The following TASOR2 variants were observed in gnomAD, a reference collection of about 807,000 sequenced individuals.
TASOR2 encodes protein TASOR 2.
In TASOR2, 84 loss-of-function variants were observed where a neutral mutation model predicts 199.5. The observed-to-expected ratio is 0.42, with a 90% confidence interval of 0.35 to 0.50. The LOEUF is 0.50. Among genes scored for constraint, TASOR2 ranks in the 20% least tolerant of loss-of-function variants. The pLI is 0.02. For synonymous variants in TASOR2, 1,103 were observed against 1,046.6 expected (o/e 1.05, Z -1.04); for missense variants, 2,796 against 2,835.9 (o/e 0.99, Z 0.32).
In TASOR2 at chr10:5,720,038, C is replaced by G. The variant is rs1190156272; in HGVS notation, c.-99-506C>G. On this transcript the variant is annotated intron_variant, in intron 3 of 20. Transcript: ENST00000328090. The surrounding 1 kb of genome is among the most constrained non-coding windows in gnomAD (Gnocchi z 5.3). ...AAACTATGGATATTTGTCTCAGACG[C>G]CCAAATGTCCAAAATTTTTGAGTCC... Among the ~76,000 whole-genome samples the G allele has an allele frequency of 6.6e-6, 1 of 152,080 alleles. No individual in the cohort carries two copies. Among genetic ancestry groups the G allele is most frequent in the Non-Finnish European group, 1.5e-5 (1 of 68,024 alleles).
chr10:5,721,044 T>C, intron 6 of TASOR2, 74 bp downstream of exon 7: 4 of 1,178,660 alleles, frequency 3.4e-6, no homozygotes, highest in Non-Finnish European at 4.9e-6. Flanking sequence ...TCACCTCATT[T>C]CAAGGGTGGC....
At position 5,722,088 on chromosome 10, in the gene TASOR2, T is replaced by C. The variant is rs564535297; in HGVS notation, c.146+1118T>C. Among the ~76,000 whole-genome samples, 287 of 152,298 alleles carry C rather than the reference T, an allele frequency of 1.9e-3. 1 individual carries two copies. Among genetic ancestry groups the C allele is most frequent in the African/African-American group, 6.4e-3 (267 of 41,566 alleles). Reference sequence around the variant, plus strand: ...GACAGTTGGCAGCATTTGAATAAGATGTAGGTTAAGTCATAGTATCGTTAT... The same window carrying C: ...GACAGTTGGCAGCATTTGAATAAGACGTAGGTTAAGTCATAGTATCGTTAT... On this transcript the variant is annotated intron_variant, in intron 6 of 20. Transcript: ENST00000328090. The surrounding 1 kb of genome is among the most constrained non-coding windows in gnomAD (Gnocchi z 4.0).
intron 1 of TASOR2, among the ~76,000 whole-genome samples, chr10:5,711,538 G>A (rs534357521): frequency 8.5e-5 from 13 of 152,258 alleles, no homozygotes; most frequent in South Asian, 4.1e-4. Flanking sequence ...AAATAGGAGA[G>A]TGAACAGTTA....
intron 12 of TASOR2, 102 bp downstream of exon 13, chr10:5,735,648 A>G: frequency 7.2e-7 from 1 of 1,393,108 alleles, no homozygotes; most frequent in Non-Finnish European, 9.6e-7. Flanking sequence ...GCAATGTCCC[A>G]ATAATTTTTT....
In TASOR2 at chr10:5,751,434, G is replaced by A. The variant is rs1319118554; in HGVS notation, c.6606+1407G>A. Reference sequence around the variant, plus strand: ...CATTCATCTATTCATTTGCTTATCTGTATCACTATGGACCATGGCACATTT... The same window carrying A: ...CATTCATCTATTCATTTGCTTATCTATATCACTATGGACCATGGCACATTT... On this transcript the variant is annotated intron_variant, in intron 15 of 20. Coordinates refer to ENST00000328090, the Ensembl canonical transcript of TASOR2. This position sits in a 1 kb window ranked among gnomAD's most constrained non-coding sequence, Gnocchi z 5.3. 6.6e-6 allele frequency among the ~76,000 whole-genome samples: 1 copy of A among 152,134 alleles called. No individual in the cohort carries two copies. The highest frequency in any genetic ancestry group is 1.5e-5 in the Non-Finnish European group (1 of 68,032).
rs151249528 is a variant in TASOR2 at position 5,721,946 on chromosome 10, A to C, written c.146+976A>C. ...TCAAAATACCCTAGTCATTGAAGTA[A>C]AGAAAAGACTGAAAAACTGTTCCAG... On this transcript the variant is annotated intron_variant, in intron 6 of 20. Transcript: ENST00000328090. Among the ~76,000 whole-genome samples the C allele has an allele frequency of 6.5e-3, 993 of 152,308 alleles. 5 individuals carry two copies. Among genetic ancestry groups the C allele is most frequent in the South Asian group, 0.015 (72 of 4,832 alleles).
At chr10:5,762,602 A>G in exon 20 of TASOR2, 1 of 1,488,772 alleles carries the variant, frequency 6.7e-7, no homozygotes, top group African/African-American at 1.4e-5. Context: ...ATAACTTTAT[A>G]GAAAACATAG....
chr10:5,693,301 T>C (rs1172734971), intron 1 of TASOR2, among the ~76,000 whole-genome samples: 1 of 152,216 alleles, frequency 6.6e-6, no homozygotes, highest in Admixed American at 6.5e-5. Context: ...TAAGGTCATC[T>C]TTTGAAATGT....
rs369061007 is a variant in TASOR2, at chr10:5,742,134, G to C, written c.2365G>C (p.Val789Leu). The C allele has an allele frequency of 2.5e-6, 4 of 1,614,152 alleles. No individual in the cohort carries two copies. In the Admixed American group the frequency reaches 6.7e-5, roughly 27 times the overall value. The stretch of plus-strand genomic sequence containing the variant: ...TGATTTGCCTGATAATGTGGAAGAA[G>C]TGAAGCTTTTACTTCATATGTGGGT... The change falls in exon 14 of 21, where the codon GTG becomes CTG. Residue 789 changes from valine to leucine, a missense_variant. Coordinates refer to ENST00000328090, the Ensembl canonical transcript of TASOR2. The surrounding 1 kb of genome is among the most constrained non-coding windows in gnomAD (Gnocchi z 4.2).
chr10:5,698,022 A>G lies in TASOR2; in HGVS notation c.-288+12847A>G, dbSNP rs539389743. On this transcript the variant is annotated intron_variant, in intron 1 of 20. Transcript: ENST00000328090. This position sits in a 1 kb window ranked among gnomAD's most constrained non-coding sequence, Gnocchi z 4.4. ...GGTTGTGCAATGATCACCACTACCAATTGCATTATTGACCCTAGTGCTTTA... is the reference window on the plus strand; with the variant it reads ...GGTTGTGCAATGATCACCACTACCAGTTGCATTATTGACCCTAGTGCTTTA... 3.3e-5 allele frequency among the ~76,000 whole-genome samples: 5 copies of G among 152,314 alleles called. No individual in the cohort carries two copies. Among genetic ancestry groups the G allele is most frequent in the South Asian group, 4.1e-4 (2 of 4,824 alleles).
At chr10:5,761,713 T>G (rs1839865191) in intron 19 of TASOR2, 1 of 449,320 alleles carries the variant, frequency 2.2e-6, no homozygotes. Context: ...CAATACAGTA[T>G]AAGTAGTTAT....
At chr10:5,762,979 C>G (rs375613511) in intron 20 of TASOR2, 50 bp from the exon 22 acceptor site, 3 of 1,573,514 alleles carry the variant, frequency 1.9e-6, no homozygotes, top group African/African-American at 1.4e-5. Context: ...TAAAATATTT[C>G]TTGTTCGTAT....
intron 6 of TASOR2, among the ~76,000 whole-genome samples, chr10:5,721,306 C>T (rs764788765): frequency 2.6e-5 from 4 of 152,076 alleles, no homozygotes; most frequent in Non-Finnish European, 5.9e-5. Flanking sequence ...TTTGCAGTAT[C>T]TGATTTTCAA....
Position 5,701,639 on chromosome 10 carries a change from CATT to C in TASOR2, c.-287-11183_-287-11181del, listed in dbSNP as rs1837863997. On this transcript the variant is annotated intron_variant, in intron 1 of 20. Coordinates refer to ENST00000328090, the Ensembl canonical transcript of TASOR2. The surrounding 1 kb of genome is among the most constrained non-coding windows in gnomAD (Gnocchi z 4.9). ...TAATGTCCACTTCAATTTCTTTCATCATTGTTTTATAGTTTTTCTTGTATAGAT... is the reference window on the plus strand; with the variant it reads ...TAATGTCCACTTCAATTTCTTTCATCGTTTTATAGTTTTTCTTGTATAGAT... Among the ~76,000 whole-genome samples the C allele has an allele frequency of 6.6e-6, 1 of 152,044 alleles. No individual in the cohort carries two copies. Among genetic ancestry groups the C allele is most frequent in the Non-Finnish European group, 1.5e-5 (1 of 67,976 alleles).
intron 1 of TASOR2, among the ~76,000 whole-genome samples, chr10:5,691,894 C>T (rs926771788): frequency 6.6e-6 from 1 of 152,190 alleles, no homozygotes; most frequent in Non-Finnish European, 1.5e-5. Flanking sequence ...AAACCATATT[C>T]AGGCCTGGCA....
chr10:5,759,822 C>T (rs931254312), intron 18 of TASOR2, among the ~76,000 whole-genome samples: 5 of 152,204 alleles, frequency 3.3e-5, no homozygotes, highest in Admixed American at 2.0e-4. Context: ...AGAAGGAGCA[C>T]AGAGGTTTCC....
Position 5,720,847 on chromosome 10 carries a change from T to G in TASOR2, c.47-24T>G. On this transcript the variant is annotated intron_variant, in intron 5 of 20. Coordinates refer to ENST00000328090, the Ensembl canonical transcript of TASOR2. This position sits in a 1 kb window ranked among gnomAD's most constrained non-coding sequence, Gnocchi z 5.3. Reference sequence around the variant, plus strand: ...AATGTTTCATCATAAATAATCAGTTTCTTTTTTACCTTCATTTCTTCAGTT... The same window carrying G: ...AATGTTTCATCATAAATAATCAGTTGCTTTTTTACCTTCATTTCTTCAGTT... 6.3e-7 allele frequency: 1 copy of G among 1,595,272 alleles called. No homozygotes were observed. The highest frequency in any genetic ancestry group is 8.5e-7 in the Non-Finnish European group (1 of 1,174,588).
rs74861203 is a variant in TASOR2 at position 5,763,180 on chromosome 10, A to G, written c.*148A>G. 1,502 of 748,660 alleles carry G rather than the reference A, an allele frequency of 2.0e-3. 20 individuals are homozygous for G. In the East Asian group the frequency reaches 0.023, roughly 11 times the overall value. 46.4% of individuals were successfully genotyped at this position (748,660 alleles called of 1,614,324 possible). A position where few individuals can be genotyped will look rare whatever the true frequency, so the allele number is the denominator to read the frequency against. On this transcript the variant is annotated 3_prime_UTR_variant, in exon 21 of 21. Transcript: ENST00000328090. ...ACAACTTGGAAAGTTTTCATTTTTT[A>G]TATTTTGCTGAAATATGTCACAGTG... is the stretch of plus-strand genomic sequence containing the variant.
At position 5,685,200 on chromosome 10, in the gene TASOR2, C is replaced by T. The variant is rs1345854185; in HGVS notation, c.-288+25C>T. The stretch of plus-strand genomic sequence containing the variant: ...GGTAAGTCCCTCCTCGGCCTGGGCG[C>T]CCGGGAACCCTGCGAGGAGGACGGC... On this transcript the variant is annotated intron_variant, in intron 1 of 20. Transcript: ENST00000328090. This position sits in a 1 kb window ranked among gnomAD's most constrained non-coding sequence, Gnocchi z 5.4. 4 of 397,774 alleles carry T rather than the reference C, an allele frequency of 1.0e-5. No homozygotes were observed. The East Asian group carries it at 1.1e-4, about 11-fold the overall frequency. 24.6% of individuals were successfully genotyped at this position (397,774 alleles called of 1,614,324 possible).
Sources: gnomAD v4.1 joint callset for allele counts (sites outside exome capture counted in the v4.1 genomes callset) on GRCh38, gnomAD v4.1.1 for gene constraint, Gnocchi (gnomAD v3.1) non-coding constraint, MANE v1.5 for transcripts, NCBI Gene and HGNC (gene_info 2026-07-23, HGNC 2026-07-21) for gene names.